ZNF714: variants seen among roughly 807,000 people sequenced by gnomAD.
The protein encoded by ZNF714 is zinc finger protein 714.
Under a neutral mutation model 46.2 loss-of-function variants are expected in ZNF714, and 32 were observed. The observed-to-expected ratio is 0.69, with a 90% CI of 0.52 to 0.93. The LOEUF is 0.93. Ranked by LOEUF, ZNF714 falls within the 40% of genes least tolerant of loss-of-function variation. The probability of loss-of-function intolerance (pLI) is 0.00; values close to 1 mark genes in which losing one functional copy is unlikely to be tolerated. For synonymous variants in ZNF714, 199 were observed against 213.1 expected, an observed-to-expected ratio of 0.93 and a Z score of 0.58; for missense variants, 635 against 646.3, an observed-to-expected ratio of 0.98 and a Z score of 0.19.
intron 4 of ZNF714, among the ~76,000 whole-genome samples, chr19:21,106,141 C>T (rs1969306480): frequency 6.6e-6 from 1 of 151,296 alleles, no homozygotes; most frequent in Non-Finnish European, 1.5e-5. Context: ...TGTAGTCCCA[C>T]CTACTTGGGA....
At chr19:21,116,619 A>AT (rs1969600804) in intron 4 of ZNF714, among the ~76,000 whole-genome samples, 188 bp from the exon 5 acceptor site, 2 of 152,066 alleles carry the variant, frequency 1.3e-5, no homozygotes, top group Admixed American at 1.3e-4. Flanking sequence ...ATGCTTATTT[A>AT]TAAGTTTTCC....
chr19:21,116,418 T>C (rs1436347560), intron 4 of ZNF714, among the ~76,000 whole-genome samples: 1 of 152,098 alleles, frequency 6.6e-6, no homozygotes, highest in Non-Finnish European at 1.5e-5. Flanking sequence ...GCAAGTAATA[T>C]AGATGTATGT....
chr19:21,083,262 C>T (rs933008350), intron 1 of ZNF714, among the ~76,000 whole-genome samples: 4 of 152,094 alleles, frequency 2.6e-5, no homozygotes, highest in African/African-American at 9.7e-5. Context: ...CTCGAACTCC[C>T]GACCTCAGGT....
intron 4 of ZNF714, among the ~76,000 whole-genome samples, chr19:21,102,795 T>A (rs555819603): frequency 1.0e-3 from 153 of 152,312 alleles, no homozygotes; most frequent in African/African-American, 3.7e-3. Flanking sequence ...TGAGTAAACA[T>A]GTCTCTTACT....
chr19:21,090,414 G>T (rs1968882302), intron 2 of ZNF714, among the ~76,000 whole-genome samples: 1 of 152,176 alleles, frequency 6.6e-6, no homozygotes, highest in South Asian at 2.1e-4. Context: ...TGGTCCTGTA[G>T]ATGCCTAATT....
intron 2 of ZNF714, among the ~76,000 whole-genome samples, chr19:21,094,478 C>A (rs1968991736): frequency 6.6e-6 from 1 of 152,212 alleles, no homozygotes; most frequent in South Asian, 2.1e-4. Context: ...AATTTACCCT[C>A]CCACCAGCAG....
At chr19:21,091,487 G>C (rs1599530878) in intron 2 of ZNF714, 1 of 152,304 alleles carries the variant, frequency 6.6e-6, no homozygotes, top group South Asian at 2.1e-4. Flanking sequence ...TCCAAATGGA[G>C]TTGCTCTGGT....
At chr19:21,097,306 G>A (rs1609441) in intron 2 of ZNF714, among the ~76,000 whole-genome samples, 141,891 of 152,298 alleles carry the variant, frequency 0.93, 66,181 homozygotes, top group Middle Eastern at 0.98. Context: ...ACCTTCGCAT[G>A]AAACTGATTT....
At chr19:21,087,067 A>G (rs1028005867) in intron 2 of ZNF714, among the ~76,000 whole-genome samples, 8 of 152,222 alleles carry the variant, frequency 5.3e-5, no homozygotes, top group African/African-American at 1.9e-4. Flanking sequence ...GAATACTGAA[A>G]GTTTTTTCTG....
rs1196933324 is a variant in ZNF714, at chr19:21,098,124, A to T, written c.-84-61A>T. 7 of 1,536,124 alleles carry T rather than the reference A, an allele frequency of 4.6e-6. No individual in the cohort carries two copies. In the African/African-American group the frequency reaches 7.0e-5, roughly 15 times the overall value. ...CTCTCATTTCACCTTAATTCAAATA[A>T]TAAATTCTGCCCATGGCCACTTGGT... On this transcript the variant is annotated intron_variant, in intron 2 of 4. Transcript: ENST00000456283.
At chr19:21,098,580 G>A (rs536672438) in intron 3 of ZNF714, among the ~76,000 whole-genome samples, 8 of 152,120 alleles carry the variant, frequency 5.3e-5, no homozygotes, top group East Asian at 1.9e-4. Context: ...AATATTGCCC[G>A]TATCTTAAAA....
Position 21,082,352 on chromosome 19 carries a change from A to G in ZNF714, c.-177+4A>G, listed in dbSNP as rs1290648166. 2.7e-6 allele frequency: 4 copies of G among 1,457,830 alleles called. No homozygotes were observed. The highest frequency in any genetic ancestry group is 1.4e-5 in the African/African-American group (1 of 72,126). 90.3% of individuals were successfully genotyped at this position (1,457,830 alleles called of 1,614,324 possible). On this transcript the variant is annotated splice_donor_region_variant and intron_variant, in intron 1 of 4. Transcript: ENST00000456283. ...GTACCCCGGAAGCCTAGAAATGGTG[A>G]GAGTGCCGGGTCCGACATCCCGAGA...
intron 4 of ZNF714, among the ~76,000 whole-genome samples, chr19:21,105,963 T>A (rs946928530): frequency 2.0e-5 from 3 of 150,846 alleles, no homozygotes; most frequent in Admixed American, 1.3e-4. Context: ...TCAAAAAAAA[T>A]AAATAGGCCA....
chr19:21,118,785 C>A lies in ZNF714; in HGVS notation c.*453C>A. The A allele has an allele frequency of 4.8e-6, 1 of 209,386 alleles. No individual in the cohort carries two copies. Among genetic ancestry groups the A allele is most frequent in the South Asian group, 6.6e-5 (1 of 15,244 alleles). 13.0% of individuals were successfully genotyped at this position (209,386 alleles called of 1,614,324 possible). A position where few individuals can be genotyped will look rare whatever the true frequency, so the allele number is the denominator to read the frequency against. ...GATCTGGCAATGCTTTTGACAACAC[C>A]TCAAACTTTTCTAACCATAAAAGAA... On this transcript the variant is annotated 3_prime_UTR_variant, in exon 5 of 5. Coordinates refer to ENST00000456283, the MANE Select transcript of ZNF714 (RefSeq NM_182515.4).
At chr19:21,097,647 A>T (rs1363149838) in intron 2 of ZNF714, among the ~76,000 whole-genome samples, 1 of 152,142 alleles carries the variant, frequency 6.6e-6, no homozygotes, top group Non-Finnish European at 1.5e-5. Context: ...AGACCAAAAA[A>T]GTTGGGAAAA....
At chr19:21,106,336 G>A (rs112467776) in intron 4 of ZNF714, among the ~76,000 whole-genome samples, 11,868 of 151,966 alleles carry the variant, frequency 0.078, 517 homozygotes, top group Non-Finnish European at 0.086. Flanking sequence ...TTGGGAGGCC[G>A]AGGCGGGCGG....
intron 2 of ZNF714, among the ~76,000 whole-genome samples, chr19:21,088,442 A>C (rs10401931): frequency 0.74 from 112,896 of 152,014 alleles, 43,555 homozygotes; most frequent in Middle Eastern, 0.88. Context: ...GCTTCAAGAT[A>C]GGTAAATTGA....
intron 4 of ZNF714, among the ~76,000 whole-genome samples, chr19:21,113,640 G>A (rs1451201422): frequency 6.6e-6 from 1 of 151,778 alleles, no homozygotes; most frequent in African/African-American, 2.4e-5. Context: ...CTGAGTAGCT[G>A]GGATTACAGG....
chr19:21,094,347 A>G (rs1968990120), intron 2 of ZNF714, among the ~76,000 whole-genome samples: 1 of 152,204 alleles, frequency 6.6e-6, no homozygotes, highest in Non-Finnish European at 1.5e-5. Flanking sequence ...ATGTGTCTTT[A>G]TGGTAGAATA....
Sources: gnomAD v4.1 joint callset for allele counts (sites outside exome capture counted in the v4.1 genomes callset) on GRCh38, gnomAD v4.1.1 for gene constraint, MANE v1.5 for transcripts, NCBI Gene and HGNC (gene_info 2026-07-23, HGNC 2026-07-21) for gene names.